Variants in KIAA1328 observed in about 807,000 individuals in gnomAD.
KIAA1328 encodes protein hinderin.
In KIAA1328, 52 loss-of-function variants were observed where a neutral mutation model predicts 68.1. That is an observed-to-expected ratio of 0.76 (90% CI 0.61 to 0.96). The LOEUF is 0.96. Ranked by LOEUF, KIAA1328 falls within the 40% of genes least tolerant of loss-of-function variation. KIAA1328 has a pLI of 0.00. For missense variants in KIAA1328, 641 were observed against 677.6 expected (o/e 0.95, Z 0.60); for synonymous variants, 232 against 239.4 (o/e 0.97, Z 0.28).
At chr18:37,019,292 C>G (rs1194517761) in intron 6 of KIAA1328, among the ~76,000 whole-genome samples, 1 of 152,070 alleles carries the variant, frequency 6.6e-6, no homozygotes, top group Non-Finnish European at 1.5e-5. Flanking sequence ...ATCCTACGAG[C>G]CCATAGATGG....
intron 6 of KIAA1328, among the ~76,000 whole-genome samples, chr18:36,971,395 C>T (rs186328804): frequency 3.3e-5 from 5 of 152,016 alleles, no homozygotes; most frequent in Non-Finnish European, 5.9e-5. Flanking sequence ...TTTGGGAAGC[C>T]GAGGTCAGTG....
chr18:37,067,121 A>G lies in KIAA1328; in HGVS notation c.808A>G (p.Asn270Asp). The G allele has an allele frequency of 6.2e-7, 1 of 1,614,030 alleles. No individual in the cohort carries two copies. The highest frequency in any genetic ancestry group is 8.5e-7 in the Non-Finnish European group (1 of 1,179,880). ...GATACCATCAGAGACCACAACATGT[A>G]ATTGTGAATCTCCAGGGAGAAAACC... ...DKIPSETTTC[N>D]CESPGRKPAV... Residue 270 changes from asparagine to aspartate, a missense_variant, in exon 7 of 10, where the codon AAT (asparagine) becomes GAT (aspartate). Coordinates refer to ENST00000280020, the MANE Select transcript of KIAA1328 (RefSeq NM_020776.3).
intron 3 of KIAA1328, 42 bp downstream of exon 3, chr18:36,835,418 C>T: frequency 6.3e-7 from 1 of 1,581,220 alleles, no homozygotes; most frequent in Non-Finnish European, 8.6e-7. Flanking sequence ...GCTCTCCAGT[C>T]TTTATGAGTG....
chr18:37,113,351 A>C (rs1228723558), intron 7 of KIAA1328, among the ~76,000 whole-genome samples: 1 of 152,228 alleles, frequency 6.6e-6, no homozygotes, highest in Non-Finnish European at 1.5e-5. Context: ...GGGGGCCAAT[A>C]TTCAACAAAC....
At chr18:36,996,065 A>C (rs2053379515) in intron 6 of KIAA1328, among the ~76,000 whole-genome samples, 1 of 152,228 alleles carries the variant, frequency 6.6e-6, no homozygotes, top group Non-Finnish European at 1.5e-5. Flanking sequence ...TCCTTTTTAC[A>C]AATGATGAAA....
At chr18:36,959,910 A>G (rs963394741) in intron 6 of KIAA1328, among the ~76,000 whole-genome samples, 2 of 152,244 alleles carry the variant, frequency 1.3e-5, no homozygotes, top group African/African-American at 4.8e-5. Context: ...ATAAGTATGT[A>G]GGAGAGTATT....
downstream of KIAA1328, among the ~76,000 whole-genome samples, chr18:37,226,679 A>T (rs1190883519): frequency 6.8e-6 from 1 of 147,570 alleles, no homozygotes; most frequent in Non-Finnish European, 1.5e-5. Context: ...ATTTTTGTTT[A>T]TCCATTCATC....
intron 6 of KIAA1328, among the ~76,000 whole-genome samples, chr18:37,063,118 A>G (rs2056218241): frequency 6.6e-6 from 1 of 150,934 alleles, no homozygotes. Flanking sequence ...ACATGGCTGC[A>G]TTATTATCTG....
chr18:36,884,539 A>C (rs8089495), intron 4 of KIAA1328, among the ~76,000 whole-genome samples: 61,350 of 152,046 alleles, frequency 0.4, 14,210 homozygotes, highest in African/African-American at 0.64. Context: ...AATATCTCTA[A>C]CAGAGGGCAG....
chr18:36,893,149 T>C (rs945436604), intron 5 of KIAA1328, among the ~76,000 whole-genome samples: 2 of 152,184 alleles, frequency 1.3e-5, no homozygotes, highest in African/African-American at 4.8e-5. Context: ...TAATGAGTTA[T>C]ATTTACACTT....
chr18:36,832,397 C>T (rs1056739181), intron 1 of KIAA1328, among the ~76,000 whole-genome samples: 3 of 151,698 alleles, frequency 2.0e-5, no homozygotes, highest in Admixed American at 6.6e-5. Flanking sequence ...CCAGTCTGGC[C>T]AACATGATGA....
chr18:37,201,319 GA>G (rs2060110063), intron 9 of KIAA1328, among the ~76,000 whole-genome samples: 1 of 151,980 alleles, frequency 6.6e-6, no homozygotes, highest in South Asian at 2.1e-4. Context: ...GGGTGCCAAT[GA>G]AAAAACATCA....
intron 7 of KIAA1328, among the ~76,000 whole-genome samples, chr18:37,133,739 A>G (rs1435025049): frequency 6.6e-6 from 1 of 151,818 alleles, no homozygotes; most frequent in East Asian, 1.9e-4. Flanking sequence ...GTTAGCCAGG[A>G]TGGTCTCCAT....
Position 37,223,844 on chromosome 18 carries a change from G to A in KIAA1328, c.*1617G>A. On this transcript the variant is annotated 3_prime_UTR_variant, in exon 10 of 10. Transcript: ENST00000280020. ...CACTTGGGGTTTTTTATTCTTTGGA[G>A]TAGAAAAGAATGGAGCCCACTAATA... The A allele has an allele frequency of 3.0e-6, 3 of 984,828 alleles. No individual in the cohort carries two copies. Among genetic ancestry groups the A allele is most frequent in the Non-Finnish European group, 3.6e-6 (3 of 829,490 alleles). 61.0% of individuals were successfully genotyped at this position (984,828 alleles called of 1,614,324 possible).
At chr18:37,105,123 A>G (rs955272523) in intron 7 of KIAA1328, among the ~76,000 whole-genome samples, 1 of 152,238 alleles carries the variant, frequency 6.6e-6, no homozygotes, top group Non-Finnish European at 1.5e-5. Flanking sequence ...TGACTGATTA[A>G]CATGAGTGGG....
At chr18:36,906,332 G>A (rs1290788001) in intron 5 of KIAA1328, among the ~76,000 whole-genome samples, 1 of 152,082 alleles carries the variant, frequency 6.6e-6, no homozygotes, top group African/African-American at 2.4e-5. Flanking sequence ...TATATTCTAT[G>A]CTTCACCTAT....
chr18:37,167,115 G>A (rs546075525), intron 8 of KIAA1328, among the ~76,000 whole-genome samples: 1 of 152,268 alleles, frequency 6.6e-6, no homozygotes, highest in East Asian at 1.9e-4. Context: ...GGAGTGGCTC[G>A]CTTCTTCAGT....
At chr18:37,197,716 T>C (rs536045894) in intron 9 of KIAA1328, among the ~76,000 whole-genome samples, 1 of 152,230 alleles carries the variant, frequency 6.6e-6, no homozygotes, top group East Asian at 1.9e-4. Context: ...TTCCACATAC[T>C]GATATTTATA....
chr18:37,186,808 A>G lies in KIAA1328; in HGVS notation c.1523+13727A>G, dbSNP rs576343660. ...TGGCCAACACATTTCCTATTTGCTTATTAAGGCTTTCATTGATTTTCTTGT... is the reference window on the plus strand; with the variant it reads ...TGGCCAACACATTTCCTATTTGCTTGTTAAGGCTTTCATTGATTTTCTTGT... On this transcript the variant is annotated intron_variant, in intron 9 of 9. Coordinates refer to ENST00000280020, the MANE Select transcript of KIAA1328 (RefSeq NM_020776.3). Among the ~76,000 whole-genome samples, 7 of 152,292 alleles carry G rather than the reference A, an allele frequency of 4.6e-5. No individual in the cohort carries two copies. In the East Asian group the frequency reaches 1.4e-3, roughly 29 times the overall value.
Sources: allele counts gnomAD v4.1 joint callset (sites outside exome capture counted in the v4.1 genomes callset), GRCh38; gene constraint gnomAD v4.1.1; transcripts MANE v1.5; gene names NCBI Gene and HGNC (gene_info 2026-07-23, HGNC 2026-07-21).